The following SIAH2 variants were observed in gnomAD, a reference collection of about 807,000 sequenced individuals.
SIAH2 encodes the protein E3 ubiquitin-protein ligase SIAH2.
SIAH2 carries 4 observed loss-of-function variants against 20.4 expected under a neutral mutation model. The observed-to-expected ratio is 0.20, with a 90% CI of 0.10 to 0.45. The LOEUF (loss-of-function observed/expected upper bound fraction) is 0.45, where lower values mean the gene tolerates loss of function less well. Ranked by LOEUF, SIAH2 falls within the 20% of genes least tolerant of loss-of-function variation. The pLI, the probability that SIAH2 is intolerant of heterozygous loss-of-function variation, is 0.99. For synonymous variants in SIAH2, 171 were observed against 192.5 expected, an observed-to-expected ratio of 0.89 and a Z score of 0.93; for missense variants, 259 against 440.3, an observed-to-expected ratio of 0.59 and a Z score of 3.69.
chr3:150,751,662 A>T (rs1714367810), intron 1 of SIAH2, among the ~76,000 whole-genome samples: 1 of 152,176 alleles, frequency 6.6e-6, no homozygotes, highest in Middle Eastern at 3.2e-3. Context: ...AGAGAAAGTC[A>T]ACAAACCACC....
chr3:150,752,270 G>T (rs1714389059), intron 1 of SIAH2, among the ~76,000 whole-genome samples: 1 of 152,232 alleles, frequency 6.6e-6, no homozygotes, highest in South Asian at 2.1e-4. Flanking sequence ...ATTTCTCAAC[G>T]AAAGCAACTG....
intron 1 of SIAH2, among the ~76,000 whole-genome samples, chr3:150,757,928 G>A (rs994321892): frequency 6.6e-6 from 1 of 152,100 alleles, no homozygotes. Flanking sequence ...GGTGAGTAAA[G>A]GCTGCCTCTT....
rs201765289 is a variant in SIAH2 at position 150,762,321 on chromosome 3, T to C, written c.417+112A>G. The C allele has an allele frequency of 6.9e-7, 1 of 1,459,670 alleles. No individual in the cohort carries two copies. Among genetic ancestry groups the C allele is most frequent in the Non-Finnish European group, 8.9e-7 (1 of 1,118,872 alleles). The allele number at this position is 1,459,670 out of a possible 1,614,324, so 90.4% of individuals were successfully genotyped here. A position where few individuals can be genotyped will look rare whatever the true frequency, so the allele number is the denominator to read the frequency against. On this transcript the variant is annotated intron_variant, in intron 1 of 1. Coordinates refer to ENST00000312960, the MANE Select transcript of SIAH2 (RefSeq NM_005067.7). This position sits in a 1 kb window ranked among gnomAD's most constrained non-coding sequence, Gnocchi z 6.6. ...GACGAAGTGTAAACATTTTTTCTTT[T>C]TTTTTTTTAAATGAGAGATGCCGCC...
chr3:150,750,632 A>AGACATGAATTCCCAGCGTC (rs1483124759), intron 1 of SIAH2, among the ~76,000 whole-genome samples: 4 of 152,122 alleles, frequency 2.6e-5, no homozygotes, highest in African/African-American at 4.8e-5. Flanking sequence ...TAGCCAGGGT[A>AGACATGAATTCCCAGCGTC]GTCATGAATT....
In SIAH2 at chr3:150,762,474, C is replaced by T. The variant is rs747385179; in HGVS notation, c.376G>A (p.Ala126Thr). The change falls in exon 1 of 2, where the codon GCT becomes ACT. Residue 126 changes from alanine to threonine, a missense_variant. This residue lies in a region of SIAH2 where 160 missense variants were observed against 327.6 expected (regional missense o/e 0.49). Transcript: ENST00000312960. The surrounding 1 kb of genome is among the most constrained non-coding windows in gnomAD (Gnocchi z 6.6). ...GALTPSIRNL[A>T]MEKVASAVLF... is the part of the protein sequence containing the mutation. ...ACTGCCGAGGCCACCTTCTCCATAG[C>T]CAGGTTCCTGATGCTGGGCGTCAGG... 1 of 1,613,578 alleles carries T rather than the reference C, an allele frequency of 6.2e-7. No homozygotes were observed. Among genetic ancestry groups the T allele is most frequent in the South Asian group, 1.1e-5 (1 of 91,038 alleles).
intron 1 of SIAH2, among the ~76,000 whole-genome samples, chr3:150,759,640 T>C (rs1714561024): frequency 6.6e-6 from 1 of 152,110 alleles, no homozygotes; most frequent in South Asian, 2.1e-4. Flanking sequence ...AGCTGTGTGA[T>C]TTGACAAGTC....
At chr3:150,745,184 T>G (rs944928915) in intron 1 of SIAH2, among the ~76,000 whole-genome samples, 1 of 151,924 alleles carries the variant, frequency 6.6e-6, no homozygotes, top group Non-Finnish European at 1.5e-5. Flanking sequence ...AAGGTTCATG[T>G]CTTCATAACA....
At chr3:150,752,325 T>C (rs565156305) in intron 1 of SIAH2, among the ~76,000 whole-genome samples, 6 of 152,334 alleles carry the variant, frequency 3.9e-5, no homozygotes, top group African/African-American at 9.6e-5. Context: ...AATTATTAAA[T>C]AGGCCAGGTG....
Position 150,762,706 on chromosome 3 carries a change from C to T in SIAH2, c.144G>A (p.Val48=), listed in dbSNP as rs1224656144. Residue 48 remains valine (V), a synonymous_variant, in exon 1 of 2, where the codon GTG becomes GTA. Transcript: ENST00000312960. This position sits in a 1 kb window ranked among gnomAD's most constrained non-coding sequence, Gnocchi z 6.6. ...CCGAGATCACCGCCGCCGCGGCGGGCACCGCGGACGAGCCGGGGCCCGCAG... is the reference window on the plus strand; with the variant it reads ...CCGAGATCACCGCCGCCGCGGCGGGTACCGCGGACGAGCCGGGGCCCGCAG... The part of the protein sequence containing the change: ...ISAAGPGSSA[V]PAAAAVISGP... The T allele has an allele frequency of 2.4e-6, 3 of 1,250,014 alleles. No individual in the cohort carries two copies. The highest frequency in any genetic ancestry group is 6.3e-5 in the South Asian group (2 of 31,640). The allele number at this position is 1,250,014 out of a possible 1,614,324, so 77.4% of individuals were successfully genotyped here.
In SIAH2 at chr3:150,742,046, A is replaced by C. The variant is rs989142260; in HGVS notation, c.*95T>G. On this transcript the variant is annotated 3_prime_UTR_variant, in exon 2 of 2. Transcript: ENST00000312960. The surrounding 1 kb of genome is among the most constrained non-coding windows in gnomAD (Gnocchi z 4.8). ...AAAACACGGGTAATTGTGGGTCCTG[A>C]CTTGTGAAGACATATGGAATAAAAC... The C allele has an allele frequency of 1.6e-6, 2 of 1,215,058 alleles. No homozygotes were observed. Among genetic ancestry groups the C allele is most frequent in the Non-Finnish European group, 1.2e-6 (1 of 869,180 alleles). The allele number at this position is 1,215,058 out of a possible 1,614,324, so 75.3% of individuals were successfully genotyped here.
intron 1 of SIAH2, among the ~76,000 whole-genome samples, chr3:150,746,253 G>T (rs993695245): frequency 6.6e-6 from 1 of 152,092 alleles, no homozygotes; most frequent in African/African-American, 2.4e-5. Flanking sequence ...AAAATTAGCT[G>T]GGTGTGGTGG....
In SIAH2 at chr3:150,762,985, C is replaced by T. The variant is rs891166566; in HGVS notation, c.-136G>A. On this transcript the variant is annotated 5_prime_UTR_variant, in exon 1 of 2. Coordinates refer to ENST00000312960, the MANE Select transcript of SIAH2 (RefSeq NM_005067.7). The surrounding 1 kb of genome is among the most constrained non-coding windows in gnomAD (Gnocchi z 6.6). ...CCAGCCCAGGTCCGGGCGGCGGAGA[C>T]GCTCGGCGCCCGGCAGGCGGAGGGC... 36 of 997,740 alleles carry T rather than the reference C, an allele frequency of 3.6e-5. No homozygotes were observed. The African/African-American group carries it at 5.9e-4, about 16-fold the overall frequency. The allele number at this position is 997,740 out of a possible 1,614,324, so 61.8% of individuals were successfully genotyped here. A position where few individuals can be genotyped will look rare whatever the true frequency, so the allele number is the denominator to read the frequency against.
chr3:150,742,493 G>A lies in SIAH2; in HGVS notation c.623C>T (p.Thr208Ile), dbSNP rs1714117418. ...GACAGCCCCTGGCAAGTTAATGTCTGTAGCTAGAAAGACGATGTCTTCTCC... is the reference window on the plus strand; with the variant it reads ...GACAGCCCCTGGCAAGTTAATGTCTATAGCTAGAAAGACGATGTCTTCTCC... ...LQGEDIVFLA[T>I]DINLPGAVDW... Residue 208 changes from threonine to isoleucine, a missense_variant, in exon 2 of 2, where the codon ACA becomes ATA. Around this residue, in one of 2 missense-constraint regions of SIAH2, gnomAD observed 160 missense variants for 327.6 expected, o/e 0.49. Transcript: ENST00000312960. The surrounding 1 kb of genome is among the most constrained non-coding windows in gnomAD (Gnocchi z 4.8). 1 of 1,614,076 alleles carries A rather than the reference G, an allele frequency of 6.2e-7. No homozygotes were observed. The highest frequency in any genetic ancestry group is 8.5e-7 in the Non-Finnish European group (1 of 1,180,042).
chr3:150,750,287 A>C (rs1396069997), intron 1 of SIAH2, among the ~76,000 whole-genome samples: 1 of 152,182 alleles, frequency 6.6e-6, no homozygotes, highest in African/African-American at 2.4e-5. Context: ...CAGGTTTGTT[A>C]ATTTTGCTTA....
chr3:150,747,964 CAAAAAAA>C (rs58478348), intron 1 of SIAH2, among the ~76,000 whole-genome samples: 1 of 56,700 alleles, frequency 1.8e-5, no homozygotes, highest in Non-Finnish European at 3.8e-5. Flanking sequence ...AACGCCATCT[CAAAAAAA>C]AAAAAAAAAA....
At chr3:150,745,686 G>A (rs535819734) in intron 1 of SIAH2, among the ~76,000 whole-genome samples, 10 of 147,528 alleles carry the variant, frequency 6.8e-5, no homozygotes, top group Non-Finnish European at 1.2e-4. Context: ...TAGTAGAGAC[G>A]GGGTCTCACC....
At chr3:150,746,037 GA>G (rs1714204451) in intron 1 of SIAH2, among the ~76,000 whole-genome samples, 1 of 152,190 alleles carries the variant, frequency 6.6e-6, no homozygotes, top group African/African-American at 2.4e-5. Context: ...TAGACAAGTG[GA>G]TTGTGGATGG....
At chr3:150,746,690 T>C (rs1230898092) in intron 1 of SIAH2, among the ~76,000 whole-genome samples, 5 of 152,196 alleles carry the variant, frequency 3.3e-5, no homozygotes, top group Non-Finnish European at 5.9e-5. Context: ...ATGGCCCCAG[T>C]TGAGAACCAC....
At chr3:150,759,515 G>A (rs563835260) in intron 1 of SIAH2, among the ~76,000 whole-genome samples, 1 of 152,234 alleles carries the variant, frequency 6.6e-6, no homozygotes, top group South Asian at 2.1e-4. Context: ...TGTCAACCTT[G>A]AGTTATGATT....
Sources: allele counts gnomAD v4.1 joint callset (sites outside exome capture counted in the v4.1 genomes callset), GRCh38; gene constraint gnomAD v4.1.1; regional missense constraint gnomAD v4.1.1; non-coding constraint Gnocchi (gnomAD v3.1); transcripts MANE v1.5; gene names NCBI Gene and HGNC (gene_info 2026-07-23, HGNC 2026-07-21).